Variants in IQCM observed in about 807,000 individuals in gnomAD.
IQCM encodes IQ domain-containing protein M.
In IQCM, 45 loss-of-function variants were observed where a neutral mutation model predicts 57.6. That is an observed-to-expected ratio of 0.78 (90% CI 0.62 to 1.00). The LOEUF is 1.00. Among genes scored for constraint, IQCM ranks in the 50% least tolerant of loss-of-function variants. The pLI is 0.00. For missense variants in IQCM, 468 were observed against 511.6 expected, an observed-to-expected ratio of 0.91 and a Z score of 0.82; for synonymous variants, 148 against 158.9, an observed-to-expected ratio of 0.93 and a Z score of 0.51.
chr4:149,649,584 T>C (rs145455979), intron 7 of IQCM, among the ~76,000 whole-genome samples: 2 of 152,306 alleles, frequency 1.3e-5, no homozygotes, highest in Non-Finnish European at 2.9e-5. Context: ...TTTATTCAAA[T>C]AATATTACCA....
chr4:149,589,673 C>T (rs1298924679), intron 8 of IQCM, among the ~76,000 whole-genome samples: 2 of 151,872 alleles, frequency 1.3e-5, no homozygotes, highest in South Asian at 2.1e-4. Flanking sequence ...AACAATAACC[C>T]GGAAAATTGT....
intron 12 of IQCM, among the ~76,000 whole-genome samples, chr4:149,501,476 A>G (rs1328635346): frequency 6.6e-6 from 1 of 152,164 alleles, no homozygotes; most frequent in Non-Finnish European, 1.5e-5. Context: ...TAGATAACAG[A>G]AAATTCCTAG....
chr4:149,424,359 A>G (rs1353371276), intron 13 of IQCM, among the ~76,000 whole-genome samples: 1 of 151,892 alleles, frequency 6.6e-6, no homozygotes, highest in African/African-American at 2.4e-5. Context: ...ATATTTATCA[A>G]CAAAGAACAA....
At position 149,524,585 on chromosome 4, in the gene IQCM, C is replaced by T. The variant is rs528829045; in HGVS notation, c.1228+23870G>A. Among the ~76,000 whole-genome samples, 26 of 151,538 alleles carry T rather than the reference C, an allele frequency of 1.7e-4. No homozygotes were observed. In the South Asian group the frequency reaches 4.2e-3, roughly 24 times the overall value. On this transcript the variant is annotated intron_variant, in intron 12 of 13. Transcript: ENST00000636793. ...TAGCATTGTAAAGGGAGAACAACTA[C>T]AAATAAAGGAACTTAATACACCTCT...
At chr4:149,481,704 T>TTTTTTTTTGTTTGTTTGTTTG (rs1560895861) in intron 12 of IQCM, among the ~76,000 whole-genome samples, 4 of 134,714 alleles carry the variant, frequency 3.0e-5, no homozygotes, top group African/African-American at 1.1e-4. Context: ...CAGTTTTGTT[T>TTTTTTTTTGTTTGTTTGTTTG]TTTTTTTTTT....
At chr4:149,496,107 T>A (rs1343687204) in intron 12 of IQCM, among the ~76,000 whole-genome samples, 9 of 152,060 alleles carry the variant, frequency 5.9e-5, no homozygotes, top group Non-Finnish European at 1.5e-5. Context: ...AATAAAGTCT[T>A]CTCTAAAAAG....
intron 10 of IQCM, among the ~76,000 whole-genome samples, chr4:149,555,374 C>CA (rs76385809): frequency 0.21 from 32,482 of 152,120 alleles, 4,333 homozygotes; most frequent in Non-Finnish European, 0.29. Flanking sequence ...AGGATGCACA[C>CA]ACGTGAACTT....
intron 2 of IQCM, among the ~76,000 whole-genome samples, chr4:149,812,507 C>G (rs753877458): frequency 0.088 from 11,114 of 126,360 alleles, 976 homozygotes; most frequent in African/African-American, 0.26. Context: ...CACACAGACA[C>G]ACACACACAC....
intron 8 of IQCM, among the ~76,000 whole-genome samples, chr4:149,606,719 T>A (rs569321257): frequency 6.6e-6 from 1 of 152,204 alleles, no homozygotes; most frequent in Admixed American, 6.5e-5. Flanking sequence ...GAGATTAAAA[T>A]AATTTTTTAA....
chr4:149,611,797 C>A (rs1333907695), intron 8 of IQCM, among the ~76,000 whole-genome samples: 6 of 151,412 alleles, frequency 4.0e-5, no homozygotes, highest in Non-Finnish European at 5.9e-5. Context: ...CTATGGTTAA[C>A]TATGATTTAT....
intron 2 of IQCM, among the ~76,000 whole-genome samples, chr4:149,794,099 G>C (rs989355399): frequency 1.3e-5 from 2 of 152,184 alleles, no homozygotes; most frequent in Admixed American, 1.3e-4. Flanking sequence ...TGGCACATGA[G>C]GCCTGTACAG....
At chr4:149,748,942 T>C (rs947374521) in intron 2 of IQCM, among the ~76,000 whole-genome samples, 5 of 152,130 alleles carry the variant, frequency 3.3e-5, no homozygotes, top group African/African-American at 1.2e-4. Flanking sequence ...AATATAAAAA[T>C]AGGCAACAAA....
intron 7 of IQCM, among the ~76,000 whole-genome samples, chr4:149,671,515 G>A (rs1302220642): frequency 6.6e-6 from 1 of 152,036 alleles, no homozygotes; most frequent in Non-Finnish European, 1.5e-5. Flanking sequence ...CTTGCCTTCT[G>A]CTAGCTTTTG....
intron 2 of IQCM, among the ~76,000 whole-genome samples, chr4:149,763,899 A>AC (rs1403559769): frequency 6.6e-6 from 1 of 152,066 alleles, no homozygotes; most frequent in African/African-American, 2.4e-5. Context: ...AGATGTTGGA[A>AC]CAGAAAACAC....
intron 3 of IQCM, among the ~76,000 whole-genome samples, chr4:149,736,802 ACACC>A: frequency 6.6e-6 from 1 of 152,320 alleles, no homozygotes; most frequent in Non-Finnish European, 1.5e-5. Flanking sequence ...AGCTAAATAT[ACACC>A]CATCCTACAA....
chr4:149,505,082 A>G (rs1038963304), intron 12 of IQCM, among the ~76,000 whole-genome samples: 4 of 152,168 alleles, frequency 2.6e-5, no homozygotes, highest in Non-Finnish European at 4.4e-5. Flanking sequence ...GTGTTCTGTT[A>G]TAGTAGTCCA....
At chr4:149,773,838 T>G (rs1411122171) in intron 2 of IQCM, among the ~76,000 whole-genome samples, 1 of 152,140 alleles carries the variant, frequency 6.6e-6, no homozygotes, top group Non-Finnish European at 1.5e-5. Context: ...CCTTAACAAT[T>G]TATCCTGATT....
chr4:149,499,601 T>A (rs1349636417), intron 12 of IQCM, among the ~76,000 whole-genome samples: 1 of 152,122 alleles, frequency 6.6e-6, no homozygotes, highest in African/African-American at 2.4e-5. Flanking sequence ...GCTACAATAG[T>A]TTTTTTAATA....
chr4:149,666,601 G>T (rs887540440), intron 7 of IQCM, among the ~76,000 whole-genome samples: 2 of 152,124 alleles, frequency 1.3e-5, no homozygotes, highest in Admixed American at 1.3e-4. Flanking sequence ...CTGGAAAGGG[G>T]GCTGAAGCCA....
Sources: gnomAD v4.1 joint callset for allele counts (sites outside exome capture counted in the v4.1 genomes callset) on GRCh38, gnomAD v4.1.1 for gene constraint, MANE v1.5 for transcripts, NCBI Gene and HGNC (gene_info 2026-07-23, HGNC 2026-07-21) for gene names.